CSMD3: variants seen among roughly 807,000 people sequenced by gnomAD.
CSMD3 encodes CUB and Sushi multiple domains 3.
In CSMD3, 177 loss-of-function variants were observed where a neutral mutation model predicts 435.2. The observed-to-expected ratio is 0.41, with a 90% CI of 0.36 to 0.46. CSMD3 has a LOEUF of 0.46. Among genes scored for constraint, CSMD3 ranks in the 20% least tolerant of loss-of-function variants. The probability of loss-of-function intolerance (pLI) is 0.34; values close to 1 mark genes in which losing one functional copy is unlikely to be tolerated. For missense variants in CSMD3, 4,265 were observed against 4,504.6 expected (o/e 0.95, Z 1.52); for synonymous variants, 1,656 against 1,520.5 (o/e 1.09, Z -2.07).
In CSMD3 at chr8:113,374,836, A is replaced by C. The variant is rs1410844268; in HGVS notation, c.179-60043T>G. 1.5e-4 allele frequency among the ~76,000 whole-genome samples: 19 copies of C among 126,988 alleles called. 3 individuals carry two copies. The South Asian group carries it at 4.2e-3, about 28-fold the overall frequency. 83.3% of individuals were successfully genotyped at this position (126,988 alleles called of 152,430 possible). Reference sequence around the variant, plus strand: ...TAAAAAGTAAAAAAAAAAAAAAAAAAAAAAAAAAAAACCAATAAAATGAAC... The same window carrying C: ...TAAAAAGTAAAAAAAAAAAAAAAAACAAAAAAAAAAACCAATAAAATGAAC... On this transcript the variant is annotated intron_variant, in intron 1 of 70. Coordinates refer to ENST00000297405, the MANE Select transcript of CSMD3 (RefSeq NM_198123.2).
intron 16 of CSMD3, among the ~76,000 whole-genome samples, chr8:112,678,206 TAG>T (rs1050020102): frequency 2.6e-5 from 4 of 152,148 alleles, no homozygotes; most frequent in Non-Finnish European, 5.9e-5. Flanking sequence ...GTGCTATCTG[TAG>T]ACTCAGATTC....
At chr8:112,755,361 T>C (rs1340682606) in intron 13 of CSMD3, among the ~76,000 whole-genome samples, 1 of 148,420 alleles carries the variant, frequency 6.7e-6, no homozygotes, top group East Asian at 2.0e-4. Flanking sequence ...ATAATAATAA[T>C]AATAATAATA....
chr8:112,742,913 G>C (rs1563916731), intron 13 of CSMD3, among the ~76,000 whole-genome samples: 1 of 151,922 alleles, frequency 6.6e-6, no homozygotes, highest in Non-Finnish European at 1.5e-5. Flanking sequence ...AGTCACACAG[G>C]GTCCACTCTC....
chr8:112,526,606 G>A (rs958792099), intron 27 of CSMD3, among the ~76,000 whole-genome samples: 12 of 151,624 alleles, frequency 7.9e-5, no homozygotes, highest in South Asian at 2.1e-4. Context: ...TTTTATAAGA[G>A]CTTTGCTTTT....
At position 113,191,965 on chromosome 8, in the gene CSMD3, T is replaced by G. The variant is rs186362066; in HGVS notation, c.515-18049A>C. ...ATTCTGACTGGTGTAAGATGGTATC[T>G]CATTGTGGTTTTGATTTGCATTTCT... On this transcript the variant is annotated intron_variant, in intron 3 of 70. Transcript: ENST00000297405. Among the ~76,000 whole-genome samples, 30 of 152,060 alleles carry G rather than the reference T, an allele frequency of 2.0e-4. No homozygotes were observed. The East Asian group carries it at 2.7e-3, about 14-fold the overall frequency.
At chr8:112,573,795 A>G in intron 23 of CSMD3, 138 bp from the exon 24 acceptor site, 1 of 666,468 alleles carries the variant, frequency 1.5e-6, no homozygotes, top group East Asian at 2.7e-5. Context: ...AACTAAATAT[A>G]TTGGTTTCTA....
intron 10 of CSMD3, among the ~76,000 whole-genome samples, chr8:112,903,114 A>C (rs2082151318): frequency 1.4e-5 from 2 of 138,782 alleles, no homozygotes; most frequent in African/African-American, 5.4e-5. Context: ...CGGCAACCAC[A>C]GTCATTCTTG....
intron 38 of CSMD3, among the ~76,000 whole-genome samples, chr8:112,373,538 T>C (rs961205745): frequency 6.3e-5 from 4 of 63,372 alleles, no homozygotes; most frequent in Non-Finnish European, 1.2e-4. Flanking sequence ...TTAGTCCTTA[T>C]TTACATGCAT....
intron 38 of CSMD3, among the ~76,000 whole-genome samples, chr8:112,361,574 T>TATATATATAC (rs1827221340): frequency 4.8e-4 from 2 of 4,170 alleles, no homozygotes; most frequent in Non-Finnish European, 1.3e-3. Flanking sequence ...TACACATACA[T>TATATATATAC]ATATATATAT....
In CSMD3 at chr8:112,415,349, C is replaced by T. The variant is rs139229848; in HGVS notation, c.5396-6317G>A. 5.1e-4 allele frequency among the ~76,000 whole-genome samples: 78 copies of T among 152,314 alleles called. 1 individual carries two copies. Among genetic ancestry groups the T allele is most frequent in the African/African-American group, 1.5e-3 (63 of 41,572 alleles). ...GTCCCAAGCCTTGGCAGCTTTCACA[C>T]GGTGTTGAGCCTGTGGGTGCACAGA... On this transcript the variant is annotated intron_variant, in intron 32 of 70. Coordinates refer to ENST00000297405, the MANE Select transcript of CSMD3 (RefSeq NM_198123.2).
At chr8:113,106,793 G>T (rs2090489971) in intron 4 of CSMD3, among the ~76,000 whole-genome samples, 1 of 152,110 alleles carries the variant, frequency 6.6e-6, no homozygotes, top group African/African-American at 2.4e-5. Context: ...AGTTGTCAGT[G>T]AATTGAGATA....
At chr8:113,168,628 A>G (rs2092209336) in intron 4 of CSMD3, among the ~76,000 whole-genome samples, 1 of 150,910 alleles carries the variant, frequency 6.6e-6, no homozygotes, top group African/African-American at 2.4e-5. Context: ...TTGATTGAGT[A>G]CATAAAATCT....
At chr8:113,064,241 C>G (rs1460876286) in intron 5 of CSMD3, among the ~76,000 whole-genome samples, 1 of 151,778 alleles carries the variant, frequency 6.6e-6, no homozygotes, top group African/African-American at 2.4e-5. Context: ...TGTTGAGCAC[C>G]TTAGGTAGTA....
At chr8:112,600,679 TTTTTC>T (rs768308118) in intron 22 of CSMD3, among the ~76,000 whole-genome samples, 6 of 152,028 alleles carry the variant, frequency 3.9e-5, no homozygotes, top group South Asian at 2.1e-4. Flanking sequence ...TCATGATTTT[TTTTTC>T]TTTTCTTTTC....
chr8:112,525,842 T>TAC (rs1563658884), intron 27 of CSMD3, among the ~76,000 whole-genome samples: 30 of 139,502 alleles, frequency 2.2e-4, no homozygotes, highest in African/African-American at 7.2e-4. Context: ...TATATATATA[T>TAC]ACAGGGTCTT....
chr8:113,099,482 T>C (rs2090268071), intron 4 of CSMD3, among the ~76,000 whole-genome samples: 1 of 152,106 alleles, frequency 6.6e-6, no homozygotes, highest in Non-Finnish European at 1.5e-5. Context: ...GAAATACAAC[T>C]CAAATAAAAA....
At chr8:112,266,156 T>C (rs1003136132) in intron 59 of CSMD3, among the ~76,000 whole-genome samples, 2 of 152,090 alleles carry the variant, frequency 1.3e-5, no homozygotes, top group African/African-American at 4.8e-5. Flanking sequence ...CAGCCCAAAA[T>C]AGGGACTGTC....
chr8:112,879,140 G>A (rs1293342057), intron 10 of CSMD3, among the ~76,000 whole-genome samples: 2 of 152,204 alleles, frequency 1.3e-5, no homozygotes, highest in African/African-American at 2.4e-5. Flanking sequence ...TGCCCAAAAT[G>A]GGTAAGAGAA....
At chr8:112,248,188 T>A (rs1248284581) in intron 63 of CSMD3, among the ~76,000 whole-genome samples, 3 of 152,096 alleles carry the variant, frequency 2.0e-5, no homozygotes, top group Admixed American at 1.3e-4. Context: ...TGTATTGAAA[T>A]CTGTTTTAAG....
Sources: gnomAD v4.1 joint callset for allele counts (sites outside exome capture counted in the v4.1 genomes callset) on GRCh38, gnomAD v4.1.1 for gene constraint, MANE v1.5 for transcripts, NCBI Gene and HGNC (gene_info 2026-07-23, HGNC 2026-07-21) for gene names.